KCND2: variants seen among roughly 807,000 people sequenced by gnomAD.
The protein encoded by KCND2 is potassium voltage-gated channel subfamily D member 2.
In KCND2, 16 loss-of-function variants were observed where a neutral mutation model predicts 54.4. The observed-to-expected ratio is 0.29, with a 90% CI of 0.20 to 0.45. The LOEUF (loss-of-function observed/expected upper bound fraction) is 0.45. KCND2 is among the 20% of genes least tolerant of loss of function. KCND2 has a pLI of 1.00. For missense variants in KCND2, 486 were observed against 824.2 expected (o/e 0.59, Z 5.02); for synonymous variants, 317 against 310.7 (o/e 1.02, Z -0.21).
intron 1 of KCND2, among the ~76,000 whole-genome samples, chr7:120,694,301 T>C (rs905082359): frequency 6.6e-6 from 1 of 152,212 alleles, no homozygotes; most frequent in African/African-American, 2.4e-5. Flanking sequence ...ACCCTTTTAA[T>C]GTTGGACACC....
intron 1 of KCND2, among the ~76,000 whole-genome samples, chr7:120,436,309 G>C (rs73433890): frequency 0.021 from 3,222 of 152,140 alleles, 98 homozygotes; most frequent in African/African-American, 0.07. Context: ...AAGATAATCC[G>C]TAAATAAAAC....
intron 1 of KCND2, among the ~76,000 whole-genome samples, chr7:120,322,214 G>A (rs1799901644): frequency 6.6e-6 from 1 of 151,918 alleles, no homozygotes; most frequent in South Asian, 2.1e-4. Flanking sequence ...GAGGAAATAA[G>A]ATGTCCTAGT....
rs185913114 is a variant in KCND2, at chr7:120,712,195, A to G, written c.1116-20708A>G. ...TGTATCTGAAGAGTCTATTTAATTC[A>G]TAAAACTTCTATTTTGTGGGTTTTC... is the stretch of plus-strand genomic sequence containing the variant. On this transcript the variant is annotated intron_variant, in intron 1 of 5. Coordinates refer to ENST00000331113, the MANE Select transcript of KCND2 (RefSeq NM_012281.3). Among the ~76,000 whole-genome samples, 524 of 133,312 alleles carry G rather than the reference A, an allele frequency of 3.9e-3. 5 individuals are homozygous for G. The highest frequency in any genetic ancestry group is 0.015 in the African/African-American group (506 of 34,858). The allele number at this position is 133,312 out of a possible 152,430, so 87.5% of individuals were successfully genotyped here.
intron 1 of KCND2, among the ~76,000 whole-genome samples, chr7:120,635,663 T>A (rs1252101032): frequency 6.6e-6 from 1 of 152,196 alleles, no homozygotes; most frequent in Non-Finnish European, 1.5e-5. Flanking sequence ...TTTTTAAGTT[T>A]TATTAAGGGC....
intron 1 of KCND2, among the ~76,000 whole-genome samples, chr7:120,538,709 G>T (rs948265966): frequency 2.6e-5 from 4 of 152,256 alleles, no homozygotes; most frequent in Non-Finnish European, 5.9e-5. Context: ...CTAGCCAGGG[G>T]CTCTACACAG....
intron 1 of KCND2, among the ~76,000 whole-genome samples, chr7:120,283,973 G>A (rs915139900): frequency 4.6e-5 from 7 of 151,996 alleles, no homozygotes; most frequent in African/African-American, 1.7e-4. Context: ...ACTTGCAGAA[G>A]CAATGCTTTG....
At chr7:120,298,181 A>G (rs1480147757) in intron 1 of KCND2, among the ~76,000 whole-genome samples, 6 of 152,212 alleles carry the variant, frequency 3.9e-5, no homozygotes, top group Non-Finnish European at 1.5e-5. Context: ...TAATTGAGAT[A>G]TTAACTTACA....
At chr7:120,631,097 A>C (rs958005892) in intron 1 of KCND2, among the ~76,000 whole-genome samples, 1 of 152,158 alleles carries the variant, frequency 6.6e-6, no homozygotes, top group African/African-American at 2.4e-5. Flanking sequence ...AAATTTTATC[A>C]AGGTAATCTT....
chr7:120,708,272 T>A (rs1792495156), intron 1 of KCND2, among the ~76,000 whole-genome samples: 1 of 152,138 alleles, frequency 6.6e-6, no homozygotes, highest in South Asian at 2.1e-4. Context: ...ACAAGTATAC[T>A]CAGACCATAA....
chr7:120,622,363 C>T (rs543783808), intron 1 of KCND2, among the ~76,000 whole-genome samples: 4 of 152,092 alleles, frequency 2.6e-5, no homozygotes, highest in Non-Finnish European at 5.9e-5. Flanking sequence ...AGGGAGCCTA[C>T]TGCTGTTTCA....
intron 1 of KCND2, among the ~76,000 whole-genome samples, chr7:120,395,398 G>T (rs745336316): frequency 3.9e-5 from 6 of 151,962 alleles, no homozygotes; most frequent in Admixed American, 1.3e-4. Context: ...CAGTATTGAA[G>T]AAGTAATTTT....
chr7:120,480,060 A>G (rs1802584000), intron 1 of KCND2, among the ~76,000 whole-genome samples: 1 of 151,568 alleles, frequency 6.6e-6, no homozygotes, highest in South Asian at 2.1e-4. Context: ...ATTCCTTATA[A>G]TGAACTTATA....
chr7:120,516,393 G>C (rs1277048365), intron 1 of KCND2, among the ~76,000 whole-genome samples: 1 of 151,924 alleles, frequency 6.6e-6, no homozygotes, highest in Non-Finnish European at 1.5e-5. Flanking sequence ...TACAGATATT[G>C]CTTCAATTTC....
chr7:120,523,746 GTA>G lies in KCND2; in HGVS notation c.1116-209155_1116-209154del, dbSNP rs1376174730. Among the ~76,000 whole-genome samples the G allele has an allele frequency of 2.5e-3, 321 of 128,896 alleles. 3 individuals carry two copies. The highest frequency in any genetic ancestry group is 7.9e-3 in the Middle Eastern group (2 of 252). 84.6% of individuals were successfully genotyped at this position (128,896 alleles called of 152,430 possible). A position where few individuals can be genotyped will look rare whatever the true frequency, so the allele number is the denominator to read the frequency against. ...TGTGTGTGTGTGTGTGTGTGTGTGTGTATGTCTTTGGCCTATCAAGAATAACA... is the reference window on the plus strand; with the variant it reads ...TGTGTGTGTGTGTGTGTGTGTGTGTGTGTCTTTGGCCTATCAAGAATAACA... On this transcript the variant is annotated intron_variant, in intron 1 of 5. Coordinates refer to ENST00000331113, the MANE Select transcript of KCND2 (RefSeq NM_012281.3).
At chr7:120,501,741 C>T (rs1240434311) in intron 1 of KCND2, among the ~76,000 whole-genome samples, 1 of 152,070 alleles carries the variant, frequency 6.6e-6, no homozygotes, top group Non-Finnish European at 1.5e-5. Context: ...GACAATTCTA[C>T]TTTGTTTATA....
chr7:120,338,701 TA>T (rs1162236080), intron 1 of KCND2, among the ~76,000 whole-genome samples: 1 of 152,218 alleles, frequency 6.6e-6, no homozygotes, highest in Non-Finnish European at 1.5e-5. Flanking sequence ...AGACATTTGA[TA>T]TGTTTTTAAA....
At chr7:120,675,514 G>A (rs1028486730) in intron 1 of KCND2, among the ~76,000 whole-genome samples, 34 of 152,178 alleles carry the variant, frequency 2.2e-4, no homozygotes, top group Middle Eastern at 3.4e-3. Flanking sequence ...GGGATTACCA[G>A]CGTGAGCCAC....
chr7:120,286,162 C>T (rs182464593), intron 1 of KCND2, among the ~76,000 whole-genome samples: 104 of 151,886 alleles, frequency 6.8e-4, no homozygotes, highest in Middle Eastern at 3.4e-3. Flanking sequence ...ACTTCTGTTT[C>T]CTTTATTATT....
At chr7:120,376,132 TTAAC>T (rs1800832475) in intron 1 of KCND2, among the ~76,000 whole-genome samples, 2 of 151,842 alleles carry the variant, frequency 1.3e-5, no homozygotes, top group African/African-American at 4.8e-5. Context: ...TTTAATAACT[TTAAC>T]TATCTTTAAT....
Sources: allele counts gnomAD v4.1 joint callset (sites outside exome capture counted in the v4.1 genomes callset), GRCh38; gene constraint gnomAD v4.1.1; transcripts MANE v1.5; gene names NCBI Gene and HGNC (gene_info 2026-07-23, HGNC 2026-07-21).